CDK19: variants seen among roughly 807,000 people sequenced by gnomAD.
CDK19 encodes the protein cyclin dependent kinase 19, also known as cyclin-dependent kinase 19.
A neutral mutation model predicts 68.3 loss-of-function variants in CDK19; 20 were observed. The ratio of observed to expected loss-of-function variants is 0.29; its 90% CI spans 0.21 to 0.43. CDK19 has a LOEUF of 0.43. CDK19 is among the 20% of genes least tolerant of loss of function. CDK19 has a pLI of 1.00. For synonymous variants in CDK19, 221 were observed against 222.8 expected, an observed-to-expected ratio of 0.99 and a Z score of 0.07; for missense variants, 339 against 623.5, an observed-to-expected ratio of 0.54 and a Z score of 4.86.
At chr6:110,740,081 C>A (rs1368579901) in intron 2 of CDK19, among the ~76,000 whole-genome samples, 2 of 150,344 alleles carry the variant, frequency 1.3e-5, no homozygotes, top group Non-Finnish European at 3.0e-5. Flanking sequence ...GGGAAAAATT[C>A]TCTGTATTTT....
chr6:110,783,146 T>C (rs771475756), intron 1 of CDK19, among the ~76,000 whole-genome samples: 31 of 152,172 alleles, frequency 2.0e-4, no homozygotes, highest in Non-Finnish European at 3.7e-4. Context: ...TTTGCATCCA[T>C]AGCCTGAGAG....
chr6:110,746,260 A>C (rs1232489787), intron 1 of CDK19, 59 bp from the exon 2 acceptor site: 1 of 1,000,780 alleles, frequency 1.0e-6, no homozygotes, highest in Non-Finnish European at 1.5e-6. Flanking sequence ...TCAAAATTAT[A>C]ACTACAAAAA....
chr6:110,743,239 G>A (rs1010605308), intron 2 of CDK19, among the ~76,000 whole-genome samples: 1 of 152,194 alleles, frequency 6.6e-6, no homozygotes, highest in Non-Finnish European at 1.5e-5. Context: ...AAACTTGTGT[G>A]AAAATCCCTA....
At chr6:110,651,804 A>G (rs943907747) in intron 4 of CDK19, among the ~76,000 whole-genome samples, 13 of 152,200 alleles carry the variant, frequency 8.5e-5, no homozygotes, top group African/African-American at 2.4e-4. Flanking sequence ...ACCTGCCTCT[A>G]AGATCATCTG....
intron 4 of CDK19, among the ~76,000 whole-genome samples, chr6:110,640,231 C>CAAAA (rs59703376): frequency 1.7e-4 from 14 of 80,688 alleles, no homozygotes; most frequent in Admixed American, 1.7e-4. Context: ...GACCCTGTCA[C>CAAAA]AAAAAAAAAA....
At chr6:110,812,639 T>C (rs2115167554) in intron 1 of CDK19, among the ~76,000 whole-genome samples, 1 of 152,308 alleles carries the variant, frequency 6.6e-6, no homozygotes, top group Middle Eastern at 3.4e-3. Context: ...CTACATTATA[T>C]ATACCAGAAT....
intron 1 of CDK19, among the ~76,000 whole-genome samples, chr6:110,782,859 G>T (rs1199171126): frequency 1.3e-5 from 2 of 152,104 alleles, no homozygotes; most frequent in African/African-American, 4.8e-5. Flanking sequence ...TAGACATCCT[G>T]AATGACTTGC....
At chr6:110,719,456 G>A (rs1256520873) in intron 2 of CDK19, among the ~76,000 whole-genome samples, 2 of 152,076 alleles carry the variant, frequency 1.3e-5, no homozygotes, top group African/African-American at 4.8e-5. Context: ...CATGGGAGAT[G>A]GAAGCTGCAG....
intron 1 of CDK19, among the ~76,000 whole-genome samples, chr6:110,752,906 G>GT (rs149130571): frequency 9.9e-5 from 15 of 151,498 alleles, no homozygotes; most frequent in Admixed American, 5.9e-4. Flanking sequence ...GTTATCTCGG[G>GT]TTTTTTTTGT....
At chr6:110,742,072 T>C (rs1384775169) in intron 2 of CDK19, among the ~76,000 whole-genome samples, 1 of 151,892 alleles carries the variant, frequency 6.6e-6, no homozygotes, top group Admixed American at 6.6e-5. Flanking sequence ...TTCTTCAATA[T>C]GATGTAAAGG....
At chr6:110,646,066 T>C (rs1780550072) in intron 4 of CDK19, 1 of 864,452 alleles carries the variant, frequency 1.2e-6, no homozygotes, top group Non-Finnish European at 1.9e-6. Flanking sequence ...TTGCCAGGCA[T>C]GGGCGACCTG....
chr6:110,619,145 G>A (rs1778551303), intron 12 of CDK19, among the ~76,000 whole-genome samples: 1 of 152,150 alleles, frequency 6.6e-6, no homozygotes, highest in Admixed American at 6.5e-5. Flanking sequence ...TAATAGATAT[G>A]TTGGAAGGTT....
At position 110,688,821 on chromosome 6, in the gene CDK19, G is replaced by T. The variant is rs9372263; in HGVS notation, c.205-18280C>A. On this transcript the variant is annotated intron_variant, in intron 2 of 12. Transcript: ENST00000368911. ...AGTCAGCCAGCTAACTCAGGCAGTG[G>T]CTGCAGGTTGAAAGAAGCCCTCAAC... Among the ~76,000 whole-genome samples, 3,330 of 152,286 alleles carry T rather than the reference G, an allele frequency of 0.022. 371 individuals carry two copies. In the East Asian group the frequency reaches 0.36, roughly 16 times the overall value.
Position 110,706,113 on chromosome 6 carries a change from C to A in CDK19, c.205-35572G>T, listed in dbSNP as rs566390438. ...TGTCGCCCAGGCTGGAGTGCAATGG[C>A]GTGATCTCTGCTTACTGCAGCCTCT... On this transcript the variant is annotated intron_variant, in intron 2 of 12. Coordinates refer to ENST00000368911, the MANE Select transcript of CDK19 (RefSeq NM_015076.5). 7.9e-5 allele frequency among the ~76,000 whole-genome samples: 12 copies of A among 152,154 alleles called. 1 individual carries two copies. In the South Asian group the frequency reaches 2.1e-3, roughly 26 times the overall value.
At chr6:110,709,506 T>TA (rs35088713) in intron 2 of CDK19, among the ~76,000 whole-genome samples, 41 of 142,058 alleles carry the variant, frequency 2.9e-4, no homozygotes, top group Middle Eastern at 7.3e-3. Context: ...AAAGTATAAT[T>TA]AAAAAAAAAA....
chr6:110,785,739 G>C (rs1043634041), intron 1 of CDK19, among the ~76,000 whole-genome samples: 5 of 152,130 alleles, frequency 3.3e-5, no homozygotes, highest in African/African-American at 1.2e-4. Context: ...CCAGTACTTT[G>C]GGAGGCCAAG....
At chr6:110,714,054 C>A (rs1382735820) in intron 2 of CDK19, among the ~76,000 whole-genome samples, 1 of 152,110 alleles carries the variant, frequency 6.6e-6, no homozygotes, top group Non-Finnish European at 1.5e-5. Context: ...TTATCACCCC[C>A]AAAAAGAAAC....
intron 1 of CDK19, among the ~76,000 whole-genome samples, chr6:110,800,466 C>G (rs1372409083): frequency 1.3e-5 from 2 of 152,164 alleles, no homozygotes; most frequent in Non-Finnish European, 2.9e-5. Context: ...AAACCAGTAT[C>G]ATCCTGATAC....
chr6:110,793,788 TGAAA>T (rs2115079861), intron 1 of CDK19, among the ~76,000 whole-genome samples: 1 of 152,260 alleles, frequency 6.6e-6, no homozygotes, highest in Non-Finnish European at 1.5e-5. Flanking sequence ...GACTAGAATG[TGAAA>T]GAAATACCTG....
Sources: allele counts gnomAD v4.1 joint callset (sites outside exome capture counted in the v4.1 genomes callset), GRCh38; gene constraint gnomAD v4.1.1; transcripts MANE v1.5; gene names NCBI Gene and HGNC (gene_info 2026-07-23, HGNC 2026-07-21).